BRINP3: variants seen among roughly 807,000 people sequenced by gnomAD.
BRINP3 encodes the protein BMP/retinoic acid inducible neural specific 3, also known as BMP/retinoic acid-inducible neural-specific protein 3.
BRINP3 carries 19 observed loss-of-function variants against 71.0 expected under a neutral mutation model. The observed-to-expected ratio is 0.27, with a 90% CI of 0.19 to 0.39. The LOEUF is 0.39. Ranked by LOEUF, BRINP3 falls within the 10% of genes least tolerant of loss-of-function variation. The pLI, the probability that BRINP3 is intolerant of heterozygous loss-of-function variation, is 1.00. For missense variants in BRINP3, 959 were observed against 940.8 expected, an observed-to-expected ratio of 1.02 and a Z score of -0.25; for synonymous variants, 380 against 337.7, an observed-to-expected ratio of 1.13 and a Z score of -1.37.
At chr1:190,262,821 C>T (rs1661303669) in intron 4 of BRINP3, among the ~76,000 whole-genome samples, 1 of 152,068 alleles carries the variant, frequency 6.6e-6, no homozygotes, top group South Asian at 2.1e-4. Context: ...CATCATTATT[C>T]CCATTTGTAT....
At chr1:190,146,249 A>T (rs1571834930) in intron 7 of BRINP3, among the ~76,000 whole-genome samples, 1 of 152,204 alleles carries the variant, frequency 6.6e-6, no homozygotes, top group Non-Finnish European at 1.5e-5. Flanking sequence ...ATTTAACCTT[A>T]TTAGATTATG....
chr1:190,467,924 A>G (rs915766450), intron 1 of BRINP3, among the ~76,000 whole-genome samples: 12 of 151,524 alleles, frequency 7.9e-5, no homozygotes, highest in African/African-American at 2.9e-4. Context: ...AGACATTACG[A>G]TATCTGACAT....
At chr1:190,208,405 G>C (rs1444153996) in intron 6 of BRINP3, among the ~76,000 whole-genome samples, 1 of 152,046 alleles carries the variant, frequency 6.6e-6, no homozygotes, top group African/African-American at 2.4e-5. Flanking sequence ...AAGCAGGTAA[G>C]GGTTTTCCTT....
chr1:190,122,506 T>C (rs907655085), intron 7 of BRINP3, among the ~76,000 whole-genome samples: 2 of 143,018 alleles, frequency 1.4e-5, no homozygotes, highest in Admixed American at 7.6e-5. Flanking sequence ...GTAATGCAGC[T>C]ACAAGCCAAG....
At chr1:190,423,767 T>C (rs1054935834) in intron 2 of BRINP3, among the ~76,000 whole-genome samples, 1 of 151,756 alleles carries the variant, frequency 6.6e-6, no homozygotes. Context: ...CTATCATACA[T>C]ATACACACAA....
intron 2 of BRINP3, among the ~76,000 whole-genome samples, chr1:190,446,583 A>G (rs1051438029): frequency 2.0e-5 from 3 of 152,276 alleles, no homozygotes; most frequent in Admixed American, 6.5e-5. Flanking sequence ...AAATGCCGAT[A>G]TAAGAATTAA....
intron 2 of BRINP3, among the ~76,000 whole-genome samples, chr1:190,416,681 G>A (rs758129866): frequency 6.6e-6 from 1 of 152,026 alleles, no homozygotes; most frequent in Non-Finnish European, 1.5e-5. Context: ...ATATACCCTA[G>A]TCACCGTGAA....
At chr1:190,109,812 A>C (rs1027957018) in intron 7 of BRINP3, among the ~76,000 whole-genome samples, 5 of 152,244 alleles carry the variant, frequency 3.3e-5, no homozygotes, top group Non-Finnish European at 7.3e-5. Flanking sequence ...GACTTGCACC[A>C]GTAGTCCCTC....
At chr1:190,185,587 A>G (rs1653440535) in intron 6 of BRINP3, among the ~76,000 whole-genome samples, 1 of 152,186 alleles carries the variant, frequency 6.6e-6, no homozygotes, top group South Asian at 2.1e-4. Flanking sequence ...GACTCTAAGA[A>G]GTTATAATTG....
At chr1:190,166,102 A>G (rs1651511285) in intron 6 of BRINP3, among the ~76,000 whole-genome samples, 2 of 152,212 alleles carry the variant, frequency 1.3e-5, no homozygotes, top group East Asian at 1.9e-4. Context: ...ACATCAATGT[A>G]AGTCTATTCA....
Position 190,406,109 on chromosome 1 carries a change from T to G in BRINP3, c.236+48546A>C, listed in dbSNP as rs181742835. ...TTAGATTGGAGCCGGTTTGGTAAAG[T>G]ATGATCCATTAAGTACAGTAAAATT... On this transcript the variant is annotated intron_variant, in intron 2 of 7. Coordinates refer to ENST00000367462, the MANE Select transcript of BRINP3 (RefSeq NM_199051.3). Among the ~76,000 whole-genome samples the G allele has an allele frequency of 3.3e-5, 5 of 152,342 alleles. No individual in the cohort carries two copies. In the East Asian group the frequency reaches 9.6e-4, roughly 29 times the overall value.
At chr1:190,360,708 A>T (rs943373374) in intron 2 of BRINP3, among the ~76,000 whole-genome samples, 1 of 152,038 alleles carries the variant, frequency 6.6e-6, no homozygotes, top group Non-Finnish European at 1.5e-5. Context: ...TTGGTGGAAA[A>T]CATGTGACTT....
chr1:190,142,733 A>G (rs1209355470), intron 7 of BRINP3, among the ~76,000 whole-genome samples: 2 of 152,050 alleles, frequency 1.3e-5, no homozygotes, highest in Non-Finnish European at 2.9e-5. Context: ...ACTTTCAAAT[A>G]AAAAAATTAA....
At chr1:190,300,502 A>G (rs1306998258) in intron 2 of BRINP3, among the ~76,000 whole-genome samples, 1 of 152,160 alleles carries the variant, frequency 6.6e-6, no homozygotes, top group Non-Finnish European at 1.5e-5. Flanking sequence ...AGACAGCAGT[A>G]ACCTCTGCAG....
intron 2 of BRINP3, among the ~76,000 whole-genome samples, chr1:190,394,941 T>C (rs1671475704): frequency 1.3e-5 from 2 of 151,616 alleles, no homozygotes; most frequent in South Asian, 4.1e-4. Flanking sequence ...ATTTTTATAG[T>C]GTGAAGAGAA....
intron 1 of BRINP3, among the ~76,000 whole-genome samples, chr1:190,457,585 TATA>T (rs1282268230): frequency 6.6e-6 from 1 of 152,198 alleles, no homozygotes; most frequent in Non-Finnish European, 1.5e-5. Flanking sequence ...ATCAGTCTAT[TATA>T]AAAATAGAGT....
intron 2 of BRINP3, among the ~76,000 whole-genome samples, chr1:190,397,954 GATACCATAGA>G (rs1224674637): frequency 6.6e-6 from 1 of 151,772 alleles, no homozygotes; most frequent in African/African-American, 2.4e-5. Context: ...TTGTTAAAAT[GATACCATAGA>G]ATTAATATCG....
chr1:190,120,813 TTTG>T (rs2102316338), intron 7 of BRINP3, among the ~76,000 whole-genome samples: 1 of 152,218 alleles, frequency 6.6e-6, no homozygotes, highest in South Asian at 2.1e-4. Context: ...AAACCTATTT[TTTG>T]TTAAGTGCAA....
chr1:190,098,216 C>A lies in BRINP3; in HGVS notation c.2103G>T (p.Leu701Phe). ...CACGGTCTCTGATCTCTAGTAGTTGCAAAAGTGCTGAATCCTGGGATCCCT... is the reference window on the plus strand; with the variant it reads ...CACGGTCTCTGATCTCTAGTAGTTGAAAAAGTGCTGAATCCTGGGATCCCT... ...YTQGSQDSAL[L>F]QLLEIRDRVN... Residue 701 changes from leucine to phenylalanine, a missense_variant, in exon 8 of 8, where the codon TTG (leucine) becomes TTT (phenylalanine). Physicochemically the swap from Leu to Phe is conservative, Grantham distance 22. Coordinates refer to ENST00000367462, the MANE Select transcript of BRINP3 (RefSeq NM_199051.3). 1 of 1,614,140 alleles carries A rather than the reference C, an allele frequency of 6.2e-7. No individual in the cohort carries two copies. Among genetic ancestry groups the A allele is most frequent in the Non-Finnish European group, 8.5e-7 (1 of 1,180,026 alleles).
Sources: allele counts gnomAD v4.1 joint callset (sites outside exome capture counted in the v4.1 genomes callset), GRCh38; gene constraint gnomAD v4.1.1; transcripts MANE v1.5; gene names NCBI Gene and HGNC (gene_info 2026-07-23, HGNC 2026-07-21).